PTPRT: variants seen among roughly 807,000 people sequenced by gnomAD.
PTPRT encodes the protein protein tyrosine phosphatase receptor type T.
Under a neutral mutation model 176.8 loss-of-function variants are expected in PTPRT, and 56 were observed. The observed-to-expected ratio is 0.32, with a 90% CI of 0.26 to 0.40. The LOEUF (loss-of-function observed/expected upper bound fraction) is 0.40, where lower values mean the gene tolerates loss of function less well. Among genes scored for constraint, PTPRT ranks in the 10% least tolerant of loss-of-function variants. The pLI is 1.00. For missense variants in PTPRT, 1,540 were observed against 1,908.2 expected, an observed-to-expected ratio of 0.81 and a Z score of 3.60; for synonymous variants, 783 against 739.0, an observed-to-expected ratio of 1.06 and a Z score of -0.96.
At chr20:42,113,032 A>G (rs968205498) in intron 22 of PTPRT, among the ~76,000 whole-genome samples, 1 of 152,180 alleles carries the variant, frequency 6.6e-6, no homozygotes, top group African/African-American at 2.4e-5. Context: ...CTTCAAGGGC[A>G]GACAGCACTC....
At chr20:43,083,367 T>TATATATATATAC (rs2011517626) in intron 1 of PTPRT, among the ~76,000 whole-genome samples, 1 of 116,992 alleles carries the variant, frequency 8.5e-6, no homozygotes, top group Non-Finnish European at 1.7e-5. Flanking sequence ...TATATATATA[T>TATATATATATAC]ATACATTTTT....
intron 23 of PTPRT, among the ~76,000 whole-genome samples, chr20:42,107,231 T>C (rs368650495): frequency 2.6e-4 from 26 of 101,920 alleles, no homozygotes; most frequent in African/African-American, 7.3e-4. Flanking sequence ...CTCTTCTTTT[T>C]TCTTCTTCAG....
chr20:43,000,866 CA>C (rs1821519318), intron 1 of PTPRT, among the ~76,000 whole-genome samples: 1 of 145,036 alleles, frequency 6.9e-6, no homozygotes, highest in Non-Finnish European at 1.5e-5. Flanking sequence ...TCACAGGCAA[CA>C]GAAAAAAATT....
intron 1 of PTPRT, among the ~76,000 whole-genome samples, chr20:43,059,416 A>G (rs1987365466): frequency 6.6e-6 from 1 of 152,224 alleles, no homozygotes; most frequent in African/African-American, 2.4e-5. Flanking sequence ...ATCCAATTTT[A>G]TCATTCACAA....
intron 1 of PTPRT, among the ~76,000 whole-genome samples, chr20:43,155,016 G>C (rs572506561): frequency 6.6e-6 from 1 of 152,232 alleles, no homozygotes; most frequent in East Asian, 1.9e-4. Flanking sequence ...ATCTCACTCC[G>C]TTAGAATGGC....
chr20:42,949,112 T>C (rs931145410), intron 1 of PTPRT, among the ~76,000 whole-genome samples: 6 of 152,228 alleles, frequency 3.9e-5, no homozygotes, highest in Non-Finnish European at 8.8e-5. Flanking sequence ...AAACTTGGGA[T>C]GCTTCAACGG....
rs74971853 is a variant in PTPRT at position 42,498,902 on chromosome 20, T to C, written c.1154-26340A>G. ...CAAACCAACATATACCTTACATATATTGATTTATGTCTTTGCCTGTAACTT... is the reference window on the plus strand; with the variant it reads ...CAAACCAACATATACCTTACATATACTGATTTATGTCTTTGCCTGTAACTT... On this transcript the variant is annotated intron_variant, in intron 7 of 30. Coordinates refer to ENST00000373187, the MANE Select transcript of PTPRT (RefSeq NM_007050.6). Among the ~76,000 whole-genome samples the C allele has an allele frequency of 5.4e-3, 825 of 152,264 alleles. 10 individuals carry two copies. Among genetic ancestry groups the C allele is most frequent in the African/African-American group, 0.018 (744 of 41,548 alleles).
intron 12 of PTPRT, among the ~76,000 whole-genome samples, chr20:42,310,103 C>A (rs1600815527): frequency 6.6e-6 from 1 of 151,974 alleles, no homozygotes; most frequent in South Asian, 2.1e-4. Flanking sequence ...AATTAAGACC[C>A]CAAAGTGAAA....
In PTPRT at chr20:42,274,741, T is replaced by G. The variant is rs2057000423; in HGVS notation, c.2176+7748A>C. 2.0e-5 allele frequency among the ~76,000 whole-genome samples: 3 copies of G among 152,098 alleles called. 1 individual carries two copies. Reference sequence around the variant, plus strand: ...CAGACAACCCTGAAGACTAACTAATTTTTTGGTTTATTAGCTTCAATATGT... The same window carrying G: ...CAGACAACCCTGAAGACTAACTAATGTTTTGGTTTATTAGCTTCAATATGT... On this transcript the variant is annotated intron_variant, in intron 13 of 30. Transcript: ENST00000373187.
chr20:43,038,736 G>T (rs1202477622), intron 1 of PTPRT, among the ~76,000 whole-genome samples: 1 of 152,102 alleles, frequency 6.6e-6, no homozygotes, highest in Non-Finnish European at 1.5e-5. Flanking sequence ...AATGATAAAA[G>T]ATTTTTAGTA....
intron 1 of PTPRT, among the ~76,000 whole-genome samples, chr20:43,076,831 C>A (rs1015392417): frequency 3.3e-5 from 5 of 152,140 alleles, no homozygotes; most frequent in African/African-American, 1.2e-4. Flanking sequence ...TTTCTAAACA[C>A]CATTCTTTCC....
At chr20:42,744,252 C>A (rs2145353076) in intron 6 of PTPRT, among the ~76,000 whole-genome samples, 1 of 152,358 alleles carries the variant, frequency 6.6e-6, no homozygotes, top group South Asian at 2.1e-4. Flanking sequence ...GGCTTCGTGG[C>A]CATAGCCAAG....
chr20:42,268,501 T>C (rs921636287), intron 13 of PTPRT, among the ~76,000 whole-genome samples: 1 of 152,140 alleles, frequency 6.6e-6, no homozygotes. Context: ...GAGAGTCACT[T>C]TTCTCCCACT....
intron 7 of PTPRT, among the ~76,000 whole-genome samples, chr20:42,592,749 T>C (rs2073602396): frequency 6.6e-6 from 1 of 152,196 alleles, no homozygotes; most frequent in Admixed American, 6.5e-5. Context: ...CCTGTCAGTT[T>C]CTGCTTCCTG....
At chr20:42,501,695 T>C (rs953764604) in intron 7 of PTPRT, among the ~76,000 whole-genome samples, 3 of 152,218 alleles carry the variant, frequency 2.0e-5, no homozygotes, top group Non-Finnish European at 2.9e-5. Flanking sequence ...ATTTATTATC[T>C]GGTTTTTACA....
intron 7 of PTPRT, among the ~76,000 whole-genome samples, chr20:42,641,350 C>A: frequency 6.6e-6 from 1 of 152,116 alleles, no homozygotes; most frequent in East Asian, 1.9e-4. Context: ...GCCTGGAACC[C>A]TGGATGAATA....
chr20:43,013,556 GT>G (rs1273002580), intron 1 of PTPRT, among the ~76,000 whole-genome samples: 1 of 152,164 alleles, frequency 6.6e-6, no homozygotes, highest in African/African-American at 2.4e-5. Context: ...ATATCTGGAA[GT>G]GGTCTACCCT....
At chr20:42,769,666 T>C (rs2077034596) in intron 5 of PTPRT, among the ~76,000 whole-genome samples, 1 of 152,170 alleles carries the variant, frequency 6.6e-6, no homozygotes, top group Non-Finnish European at 1.5e-5. Context: ...CTACGAAGAC[T>C]CACACATGCA....
At chr20:42,868,170 G>A (rs906233357) in intron 2 of PTPRT, among the ~76,000 whole-genome samples, 4 of 152,180 alleles carry the variant, frequency 2.6e-5, no homozygotes, top group Admixed American at 6.5e-5. Context: ...TGTGAACAGA[G>A]TATTAAGGGT....
Sources: gnomAD v4.1 joint callset for allele counts (sites outside exome capture counted in the v4.1 genomes callset) on GRCh38, gnomAD v4.1.1 for gene constraint, MANE v1.5 for transcripts, NCBI Gene and HGNC (gene_info 2026-07-23, HGNC 2026-07-21) for gene names.